ADCY3: variants seen among roughly 807,000 people sequenced by gnomAD.
ADCY3 encodes adenylate cyclase 3, also known as adenylate cyclase type 3.
A neutral mutation model predicts 119.4 loss-of-function variants in ADCY3; 70 were observed. The observed-to-expected ratio is 0.59, with a 90% confidence interval of 0.48 to 0.72. The LOEUF is 0.72. Ranked by LOEUF, ADCY3 falls within the 30% of genes least tolerant of loss-of-function variation. The pLI is 0.00. For synonymous variants in ADCY3, 672 were observed against 621.4 expected, an observed-to-expected ratio of 1.08 and a Z score of -1.21; for missense variants, 1,238 against 1,541.6, an observed-to-expected ratio of 0.80 and a Z score of 3.30.
rs1447918832 is a variant in ADCY3, at chr2:24,842,280, C to T, written c.930G>A (p.Met310Ile). The T allele has an allele frequency of 6.2e-7, 1 of 1,614,178 alleles. No homozygotes were observed. The highest frequency in any genetic ancestry group is 8.5e-7 in the Non-Finnish European group (1 of 1,180,044). Residue 310 changes from methionine (M) to isoleucine (I), a missense_variant, in exon 4 of 22, where the codon ATG becomes ATA. This residue lies in a region of ADCY3 where 283 missense variants were observed against 437.2 expected (regional missense o/e 0.65). Transcript: ENST00000679454. This position sits in a 1 kb window ranked among gnomAD's most constrained non-coding sequence, Gnocchi z 4.9. ...SQKDQQQFNT[M>I]YMYRHENVSI... ...TGACGTTCTCGTGACGGTACATGTA[C>T]ATGGTGTTGAACTGCTGCTGGTCCT... is the stretch of plus-strand genomic sequence containing the variant.
intron 2 of ADCY3, among the ~76,000 whole-genome samples, chr2:24,879,452 CA>C (rs34029858): frequency 0.028 from 1,856 of 66,074 alleles, 15 homozygotes; most frequent in African/African-American, 0.053. Context: ...GACTCTGTCT[CA>C]AAAAAAAAAA....
Position 24,839,944 on chromosome 2 carries a change from C to CT in ADCY3, c.1283dup (p.Arg429AlafsTer10). 6 of 1,613,902 alleles carry CT rather than the reference C, an allele frequency of 3.7e-6. No homozygotes were observed. The highest frequency in any genetic ancestry group is 5.1e-6 in the Non-Finnish European group (6 of 1,180,026). On this transcript the variant is annotated frameshift_variant, in exon 7 of 22. Coordinates refer to ENST00000679454, the MANE Select transcript of ADCY3 (RefSeq NM_004036.5). LOFTEE classifies it high-confidence loss of function. ...TCGACCACACGTCGTACTGCCAGCG[C>CT]TTCTGGCCCAGGACGCCCCCCAGCA...
At chr2:24,848,411 G>T (rs144706406) in intron 3 of ADCY3, among the ~76,000 whole-genome samples, 4,850 of 152,282 alleles carry the variant, frequency 0.032, 217 homozygotes, top group African/African-American at 0.11. Context: ...TGACTGGTTT[G>T]CTGTTAATAA....
At position 24,878,086 on chromosome 2, in the gene ADCY3, A is replaced by G. The variant is rs1369514654; in HGVS notation, c.676-5367T>C. On this transcript the variant is annotated intron_variant, in intron 2 of 21. Transcript: ENST00000679454. This position sits in a 1 kb window ranked among gnomAD's most constrained non-coding sequence, Gnocchi z 4.0. ...ATCTTTTTACAAGTTTCTTAATCCTAAAGTTTTCCTGGAAATAACTTATTT... is the reference window on the plus strand; with the variant it reads ...ATCTTTTTACAAGTTTCTTAATCCTGAAGTTTTCCTGGAAATAACTTATTT... The G allele has an allele frequency of 7.5e-6, 2 of 268,198 alleles. No homozygotes were observed. The highest frequency in any genetic ancestry group is 4.5e-5 in the Admixed American group (1 of 22,232). The allele number at this position is 268,198 out of a possible 1,614,324, so 16.6% of individuals were successfully genotyped here. A position where few individuals can be genotyped will look rare whatever the true frequency, so the allele number is the denominator to read the frequency against.
chr2:24,883,024 C>A (rs1181321539), intron 2 of ADCY3, among the ~76,000 whole-genome samples: 1 of 151,974 alleles, frequency 6.6e-6, no homozygotes, highest in Non-Finnish European at 1.5e-5. Context: ...CACACCACTG[C>A]ACTCCAGCCT....
chr2:24,863,460 T>C (rs1215304374), intron 3 of ADCY3, among the ~76,000 whole-genome samples: 2 of 152,206 alleles, frequency 1.3e-5, no homozygotes, highest in Non-Finnish European at 2.9e-5. Flanking sequence ...TTGTGGGACC[T>C]TGTGATCATG....
Position 24,838,616 on chromosome 2 carries a change from C to T in ADCY3, c.1362G>A (p.Val454=), listed in dbSNP as rs751105673. The T allele has an allele frequency of 5.6e-6, 9 of 1,613,844 alleles. No individual in the cohort carries two copies. The highest frequency in any genetic ancestry group is 7.6e-6 in the Non-Finnish European group (9 of 1,180,020). Reference sequence around the variant, plus strand: ...AGTCCATGGTGCTCTGGGAGATGTGCACGCGCCTGGATTGCAGAGAGAGAG... The same window carrying T: ...AGTCCATGGTGCTCTGGGAGATGTGTACGCGCCTGGATTGCAGAGAGAGAG... ...KMEAGGIPGR[V]HISQSTMDCL... is the part of the protein sequence containing the mutation. Residue 454 remains valine (V), a synonymous_variant, in exon 8 of 22, where the codon GTG becomes GTA. Transcript: ENST00000679454.
intron 2 of ADCY3, among the ~76,000 whole-genome samples, chr2:24,901,105 G>A (rs1439027348): frequency 3.3e-5 from 5 of 152,140 alleles, no homozygotes; most frequent in East Asian, 1.9e-4. Context: ...TGGAAGCAGC[G>A]AGGAGGGAGC....
At chr2:24,826,747 GTATA>G (rs10577242) in intron 15 of ADCY3, 2 of 151,518 alleles carry the variant, frequency 1.3e-5, no homozygotes, top group Non-Finnish European at 2.9e-5. Flanking sequence ...TAAGATGTGT[GTATA>G]TATATATATA....
At chr2:24,825,918 C>T in intron 16 of ADCY3, 127 bp downstream of exon 16, 1 of 864,612 alleles carries the variant, frequency 1.2e-6, no homozygotes, top group Non-Finnish European at 1.9e-6. Context: ...TGACCAGGCT[C>T]ACGTGTGGGG....
chr2:24,862,132 T>A (rs929446694), intron 3 of ADCY3, among the ~76,000 whole-genome samples: 1 of 152,088 alleles, frequency 6.6e-6, no homozygotes, highest in Non-Finnish European at 1.5e-5. Flanking sequence ...CAGACAGGTA[T>A]CCACCACAAG....
At chr2:24,892,891 C>T (rs1427324277) in intron 2 of ADCY3, among the ~76,000 whole-genome samples, 6 of 152,078 alleles carry the variant, frequency 3.9e-5, no homozygotes, top group South Asian at 2.1e-4. Context: ...CTCGAACTCC[C>T]GGCCTCAAGT....
At chr2:24,865,691 G>A (rs532540425) in intron 3 of ADCY3, among the ~76,000 whole-genome samples, 3 of 152,080 alleles carry the variant, frequency 2.0e-5, no homozygotes, top group Admixed American at 6.5e-5. Flanking sequence ...ACATGTATAC[G>A]TTTGCTATAG....
At chr2:24,916,455 G>A (rs1048707553) in intron 2 of ADCY3, among the ~76,000 whole-genome samples, 61 of 152,220 alleles carry the variant, frequency 4.0e-4, no homozygotes, top group African/African-American at 1.4e-3. Flanking sequence ...AGGCCGAGGC[G>A]GGCGGATTAT....
At chr2:24,875,938 A>G (rs1009753915) in intron 2 of ADCY3, among the ~76,000 whole-genome samples, 11 of 151,660 alleles carry the variant, frequency 7.3e-5, no homozygotes, top group African/African-American at 2.2e-4. Flanking sequence ...ACTTATTTAC[A>G]TATTTCACAA....
chr2:24,870,785 G>A (rs908529741), intron 3 of ADCY3, among the ~76,000 whole-genome samples: 2 of 152,128 alleles, frequency 1.3e-5, no homozygotes, highest in South Asian at 2.1e-4. Context: ...CCGTGCACTC[G>A]GCCTACCTCT....
intron 11 of ADCY3, among the ~76,000 whole-genome samples, chr2:24,833,687 C>T (rs1370926988): frequency 6.6e-6 from 1 of 152,090 alleles, no homozygotes; most frequent in African/African-American, 2.4e-5. Context: ...TTGATCCCCA[C>T]GCATGAAGCA....
intron 2 of ADCY3, among the ~76,000 whole-genome samples, chr2:24,909,838 T>C (rs1454054540): frequency 6.6e-6 from 1 of 152,194 alleles, no homozygotes; most frequent in East Asian, 1.9e-4. Flanking sequence ...TTACACACGC[T>C]ACTCAAACAT....
At position 24,899,842 on chromosome 2, in the gene ADCY3, A is replaced by G. The variant is rs1331379395; in HGVS notation, c.675+18471T>C. 2.0e-5 allele frequency among the ~76,000 whole-genome samples: 3 copies of G among 152,202 alleles called. No individual in the cohort carries two copies. Among genetic ancestry groups the G allele is most frequent in the African/African-American group, 7.2e-5 (3 of 41,456 alleles). On this transcript the variant is annotated intron_variant, in intron 2 of 21. Transcript: ENST00000679454. This position sits in a 1 kb window ranked among gnomAD's most constrained non-coding sequence, Gnocchi z 4.5. ...ACCAAACATTTGGCAATGGGTACCT[A>G]TGAGAAGGGGAGCAAGGGAAGGAAG...
Sources: gnomAD v4.1 joint callset for allele counts (sites outside exome capture counted in the v4.1 genomes callset) on GRCh38, gnomAD v4.1.1 for gene constraint, gnomAD v4.1.1 regional missense constraint, Gnocchi (gnomAD v3.1) non-coding constraint, MANE v1.5 for transcripts, NCBI Gene and HGNC (gene_info 2026-07-23, HGNC 2026-07-21) for gene names.